FAT3: variants seen among roughly 807,000 people sequenced by gnomAD.
The protein encoded by FAT3 is FAT atypical cadherin 3, also known as protocadherin Fat 3.
In FAT3, 95 loss-of-function variants were observed where a neutral mutation model predicts 310.2. The observed-to-expected ratio is 0.31, with a 90% confidence interval of 0.26 to 0.36. The LOEUF (loss-of-function observed/expected upper bound fraction) is 0.36. FAT3 is among the 10% of genes least tolerant of loss of function. FAT3 has a pLI of 1.00. For missense variants in FAT3, 5,408 were observed against 5,715.6 expected, an observed-to-expected ratio of 0.95 and a Z score of 1.74; for synonymous variants, 2,314 against 2,192.9, an observed-to-expected ratio of 1.06 and a Z score of -1.54.
intron 1 of FAT3, among the ~76,000 whole-genome samples, chr11:92,351,582 A>C (rs1011949833): frequency 6.6e-6 from 1 of 152,030 alleles, no homozygotes; most frequent in South Asian, 2.1e-4. Context: ...TTATGTCTCT[A>C]TTTTTAATGA....
At chr11:92,767,427 ATCTC>A (rs1372856678) in intron 6 of FAT3, among the ~76,000 whole-genome samples, 1 of 151,966 alleles carries the variant, frequency 6.6e-6, no homozygotes, top group Non-Finnish European at 1.5e-5. Context: ...ACAGTGTCAC[ATCTC>A]TCCCTGGCAT....
chr11:92,536,172 T>G (rs977003182), intron 3 of FAT3, among the ~76,000 whole-genome samples: 1 of 152,146 alleles, frequency 6.6e-6, no homozygotes, highest in African/African-American at 2.4e-5. Flanking sequence ...TCCATAAACT[T>G]TATTAATATT....
intron 1 of FAT3, among the ~76,000 whole-genome samples, chr11:92,337,424 T>C (rs1443443127): frequency 6.6e-6 from 1 of 152,142 alleles, no homozygotes; most frequent in East Asian, 1.9e-4. Flanking sequence ...GAAAACAGTT[T>C]TTTTGTTTGT....
intron 3 of FAT3, among the ~76,000 whole-genome samples, chr11:92,573,356 A>G (rs1343025550): frequency 6.6e-6 from 1 of 152,142 alleles, no homozygotes; most frequent in Non-Finnish European, 1.5e-5. Context: ...CCCAGCAGGA[A>G]GACTCTCAGT....
In FAT3 at chr11:92,894,423, C is replaced by T. The variant is rs1175187713; in HGVS notation, c.*3310C>T. The stretch of plus-strand genomic sequence containing the variant: ...GCTACTCTTTGTCCTACCCCCTCCA[C>T]CATGATGAACCATGTGGAAACTATT... On this transcript the variant is annotated 3_prime_UTR_variant, in exon 28 of 28. Transcript: ENST00000525166. The T allele has an allele frequency of 2.0e-5, 3 of 152,164 alleles. No homozygotes were observed. The highest frequency in any genetic ancestry group is 4.4e-5 in the Non-Finnish European group (3 of 68,038). 9.4% of individuals were successfully genotyped at this position (152,164 alleles called of 1,614,324 possible).
At chr11:92,810,186 A>T in intron 13 of FAT3, 110 bp downstream of exon 13, 1 of 932,822 alleles carries the variant, frequency 1.1e-6, no homozygotes, top group Non-Finnish European at 1.6e-6. Context: ...GTTCTTTACC[A>T]CGAGAACATG....
Position 92,864,248 on chromosome 11 carries a change from CTT to C in FAT3, c.11659-2489_11659-2488del, listed in dbSNP as rs143858995. Among the ~76,000 whole-genome samples, 1,265 of 152,220 alleles carry C rather than the reference CTT, an allele frequency of 8.3e-3. 16 individuals carry two copies. The highest frequency in any genetic ancestry group is 0.029 in the African/African-American group (1,208 of 41,516). On this transcript the variant is annotated intron_variant, in intron 21 of 27. Coordinates refer to ENST00000525166, the MANE Select transcript of FAT3 (RefSeq NM_001367949.2). ...ACCAAGTAATATGTTAATTGAACATCTTTTTACAAAAACTTAGATAAATTGCA... is the reference window on the plus strand; with the variant it reads ...ACCAAGTAATATGTTAATTGAACATCTTTACAAAAACTTAGATAAATTGCA...
At chr11:92,386,973 G>T (rs567711731) in intron 2 of FAT3, among the ~76,000 whole-genome samples, 1 of 152,052 alleles carries the variant, frequency 6.6e-6, no homozygotes, top group Admixed American at 6.5e-5. Flanking sequence ...TGTTGCCACC[G>T]TCTTGTTAGG....
chr11:92,688,313 T>C (rs1245332259), intron 3 of FAT3, among the ~76,000 whole-genome samples: 2 of 152,190 alleles, frequency 1.3e-5, no homozygotes, highest in Non-Finnish European at 2.9e-5. Flanking sequence ...GATGATGACA[T>C]ACGGGAGGCT....
intron 1 of FAT3, among the ~76,000 whole-genome samples, chr11:92,229,827 G>A (rs2134224990): frequency 6.7e-6 from 1 of 149,580 alleles, no homozygotes; most frequent in East Asian, 1.9e-4. Flanking sequence ...TAAGTGGAAG[G>A]GATGAAAATT....
At chr11:92,725,535 T>C (rs1297177546) in intron 4 of FAT3, among the ~76,000 whole-genome samples, 1 of 152,084 alleles carries the variant, frequency 6.6e-6, no homozygotes, top group East Asian at 1.9e-4. Context: ...CCACTTTCAA[T>C]TACCTAATAG....
At chr11:92,809,271 C>T (rs1435326018) in intron 12 of FAT3, among the ~76,000 whole-genome samples, 1 of 152,168 alleles carries the variant, frequency 6.6e-6, no homozygotes, top group African/African-American at 2.4e-5. Flanking sequence ...TTCCACAATC[C>T]AGCAAGTTAA....
chr11:92,867,247 T>G (rs2136353666), intron 22 of FAT3, 38 bp downstream of exon 22: 1 of 1,502,562 alleles, frequency 6.7e-7, no homozygotes, highest in Non-Finnish European at 8.9e-7. Context: ...GCCTGGGGGT[T>G]TGAGGGGAGA....
intron 4 of FAT3, among the ~76,000 whole-genome samples, chr11:92,750,333 C>T (rs1945795244): frequency 1.3e-5 from 2 of 152,020 alleles, no homozygotes; most frequent in Admixed American, 6.6e-5. Context: ...TGGAAGAAGT[C>T]GGGGGATGGT....
chr11:92,626,158 C>G (rs1389495472), intron 3 of FAT3, among the ~76,000 whole-genome samples: 1 of 152,106 alleles, frequency 6.6e-6, no homozygotes, highest in African/African-American at 2.4e-5. Flanking sequence ...GCCCCAAAGC[C>G]TGAGTGAATT....
intron 3 of FAT3, among the ~76,000 whole-genome samples, chr11:92,659,301 C>T (rs542790356): frequency 7.8e-4 from 118 of 152,208 alleles, no homozygotes; most frequent in Middle Eastern, 3.4e-3. Context: ...TTATTCATTC[C>T]TACTGAAGAA....
At chr11:92,253,844 G>C (rs924251333) in intron 1 of FAT3, among the ~76,000 whole-genome samples, 23 of 152,064 alleles carry the variant, frequency 1.5e-4, no homozygotes, top group Admixed American at 5.9e-4. Context: ...AAATGGTCCG[G>C]GATGAAAGCA....
chr11:92,657,200 G>A (rs1394380072), intron 3 of FAT3, among the ~76,000 whole-genome samples: 1 of 152,144 alleles, frequency 6.6e-6, no homozygotes, highest in Admixed American at 6.6e-5. Flanking sequence ...ACCCCAGAAT[G>A]GGATTGGGCT....
At chr11:92,297,053 A>G (rs1946867975) in intron 1 of FAT3, among the ~76,000 whole-genome samples, 4 of 152,158 alleles carry the variant, frequency 2.6e-5, no homozygotes, top group Non-Finnish European at 5.9e-5. Context: ...ACACTCTAGT[A>G]ACAAGCAAAG....
Sources: allele counts gnomAD v4.1 joint callset (sites outside exome capture counted in the v4.1 genomes callset), GRCh38; gene constraint gnomAD v4.1.1; transcripts MANE v1.5; gene names NCBI Gene and HGNC (gene_info 2026-07-23, HGNC 2026-07-21).